The following IFT122 variants were observed in gnomAD, a reference collection of about 807,000 sequenced individuals.
IFT122 encodes intraflagellar transport 122.
A neutral mutation model predicts 161.6 loss-of-function variants in IFT122; 118 were observed. The observed-to-expected ratio is 0.73, with a 90% confidence interval of 0.63 to 0.85. IFT122 has a LOEUF of 0.85. IFT122 is among the 40% of genes least tolerant of loss of function. The probability of loss-of-function intolerance (pLI) is 0.00; values close to 1 mark genes in which losing one functional copy is unlikely to be tolerated. For synonymous variants in IFT122, 550 were observed against 602.4 expected (o/e 0.91, Z 1.27); for missense variants, 1,381 against 1,579.6 (o/e 0.87, Z 2.13).
At chr3:129,500,459 A>G (rs1439174642) in intron 19 of IFT122, among the ~76,000 whole-genome samples, 1 of 152,244 alleles carries the variant, frequency 6.6e-6, no homozygotes, top group African/African-American at 2.4e-5. Context: ...CAAAGTCCAG[A>G]TAGCTGGAAA....
At chr3:129,519,789 C>T in intron 29 of IFT122, 57 bp downstream of exon 29, 2 of 1,600,444 alleles carry the variant, frequency 1.2e-6, no homozygotes, top group Non-Finnish European at 1.7e-6. Context: ...TTCCCTTGCC[C>T]AAATGTCCCT....
chr3:129,477,856 G>T (rs1299084237), intron 11 of IFT122, among the ~76,000 whole-genome samples, 160 bp from the exon 12 acceptor site: 1 of 152,236 alleles, frequency 6.6e-6, no homozygotes, highest in Non-Finnish European at 1.5e-5. Flanking sequence ...CCAGGGTTCA[G>T]CAGAGTTGAT....
In IFT122 at chr3:129,476,520, G is replaced by A; in HGVS notation, c.1008+14G>A. On this transcript the variant is annotated intron_variant, in intron 10 of 29. Coordinates refer to ENST00000348417, the MANE Select transcript of IFT122 (RefSeq NM_052989.3). ...TCCAACTATGTGGTAAGAAGAGAAAGTTTGTTCTGTGGGGCCATGGCTTGA... is the reference window on the plus strand; with the variant it reads ...TCCAACTATGTGGTAAGAAGAGAAAATTTGTTCTGTGGGGCCATGGCTTGA... 1 of 1,614,126 alleles carries A rather than the reference G, an allele frequency of 6.2e-7. No individual in the cohort carries two copies. Among genetic ancestry groups the A allele is most frequent in the South Asian group, 1.1e-5 (1 of 91,076 alleles).
chr3:129,453,311 A>G (rs78773292), intron 3 of IFT122, among the ~76,000 whole-genome samples: 3,737 of 152,146 alleles, frequency 0.025, 137 homozygotes, highest in African/African-American at 0.082. Flanking sequence ...GTGAAATAGG[A>G]AGCAACAGCA....
chr3:129,518,102 G>A (rs954520536), intron 27 of IFT122, among the ~76,000 whole-genome samples: 1 of 152,226 alleles, frequency 6.6e-6, no homozygotes, highest in Non-Finnish European at 1.5e-5. Flanking sequence ...TCTCTTGGCC[G>A]CACTGTCCTC....
intron 3 of IFT122, among the ~76,000 whole-genome samples, chr3:129,454,513 TTG>T (rs61557048): frequency 0.049 from 6,465 of 131,018 alleles, 149 homozygotes; most frequent in South Asian, 0.068. Flanking sequence ...GTAGTCATAT[TTG>T]TGTGTGTGTG....
intron 23 of IFT122, 110 bp from the exon 24 acceptor site, chr3:129,512,202 C>T: frequency 1.2e-6 from 1 of 810,212 alleles, no homozygotes. Context: ...GCTCAATAAT[C>T]AGAGCCGCTC....
At chr3:129,500,781 A>G (rs1001717263) in intron 19 of IFT122, among the ~76,000 whole-genome samples, 10 of 152,146 alleles carry the variant, frequency 6.6e-5, no homozygotes, top group African/African-American at 2.4e-4. Flanking sequence ...GGTTGGGGGA[A>G]GTGGGCTGGC....
intron 1 of IFT122, 147 bp downstream of exon 1, chr3:129,440,518 C>T (rs776359392): frequency 4.1e-6 from 4 of 975,724 alleles, no homozygotes; most frequent in South Asian, 1.4e-5. Context: ...CAGGGTCGCC[C>T]TCCCGCCCCT....
intron 17 of IFT122, among the ~76,000 whole-genome samples, chr3:129,495,221 G>A (rs966576374): frequency 6.6e-6 from 1 of 152,130 alleles, no homozygotes; most frequent in African/African-American, 2.4e-5. Context: ...AACAAACAAA[G>A]GTTTGCATCT....
At chr3:129,469,010 T>C (rs2077088009) in intron 8 of IFT122, among the ~76,000 whole-genome samples, 1 of 152,212 alleles carries the variant, frequency 6.6e-6, no homozygotes, top group African/African-American at 2.4e-5. Flanking sequence ...GTCTCAATAT[T>C]GCAGCCTTGC....
intron 4 of IFT122, among the ~76,000 whole-genome samples, chr3:129,460,061 G>A (rs1372709487): frequency 1.3e-5 from 2 of 151,852 alleles, no homozygotes; most frequent in African/African-American, 2.4e-5. Context: ...CTTTTCAATT[G>A]TGGTAAAATA....
intron 2 of IFT122, among the ~76,000 whole-genome samples, chr3:129,451,387 T>C (rs1028538565): frequency 6.6e-6 from 1 of 152,002 alleles, no homozygotes; most frequent in Non-Finnish European, 1.5e-5. Flanking sequence ...CCTCCCAGAG[T>C]GTTGGGATGA....
rs1417871608 is a variant in IFT122, at chr3:129,492,183, A to G, written c.2035A>G (p.Ser679Gly). ...AGACCTCCGATATTTAGAGCTCATC[A>G]GCAGCATTGAGGTAAAAGATGAAGC... is the stretch of plus-strand genomic sequence containing the variant. ...VQDLRYLELI[S>G]SIEERKKRGE... Residue 679 changes from serine (S) to glycine (G), a missense_variant, in exon 17 of 30, where the codon AGC becomes GGC. Physicochemically the swap from Ser to Gly is moderately conservative, Grantham distance 56 (BLOSUM62 0). Around this residue, in one of 7 missense-constraint regions of IFT122, gnomAD observed 496 missense variants for 502.5 expected, o/e 0.99. Transcript: ENST00000348417. 6.2e-7 allele frequency: 1 copy of G among 1,612,736 alleles called. No homozygotes were observed. The highest frequency in any genetic ancestry group is 1.3e-5 in the African/African-American group (1 of 74,974).
At chr3:129,476,940 GTTTTC>G (rs1559909069) in intron 11 of IFT122, 139 bp downstream of exon 11, 40 of 714,898 alleles carry the variant, frequency 5.6e-5, no homozygotes, top group Middle Eastern at 4.5e-4. Context: ...TCTGTGTCTT[GTTTTC>G]TTTTTTTTTT....
chr3:129,458,690 G>A lies in IFT122; in HGVS notation c.272+13G>A, dbSNP rs751713457. ...TTCTGAAGTACACGTAAGTAACTTA[G>A]GTGTACAGTATTATGAGTTTGATGC... is the stretch of plus-strand genomic sequence containing the variant. On this transcript the variant is annotated intron_variant, in intron 4 of 29. Transcript: ENST00000348417. The A allele has an allele frequency of 1.3e-6, 2 of 1,562,064 alleles. No individual in the cohort carries two copies. Among genetic ancestry groups the A allele is most frequent in the Admixed American group, 1.7e-5 (1 of 59,966 alleles).
At chr3:129,479,255 C>CAAA (rs547629384) in intron 12 of IFT122, among the ~76,000 whole-genome samples, 1 of 81,374 alleles carries the variant, frequency 1.2e-5, no homozygotes, top group Non-Finnish European at 2.6e-5. Context: ...CCATCTCCAC[C>CAAA]AAAAAAAAAA....
At chr3:129,476,283 T>G (rs751216192) in intron 9 of IFT122, 32 bp from the exon 10 acceptor site, 4 of 1,612,522 alleles carry the variant, frequency 2.5e-6, no homozygotes, top group Non-Finnish European at 3.4e-6. Flanking sequence ...TCGGAAATGG[T>G]TTTTCCCTTG....
At chr3:129,515,267 T>C (rs1381291018) in intron 25 of IFT122, 13 of 622,638 alleles carry the variant, frequency 2.1e-5, no homozygotes, top group African/African-American at 5.5e-5. Context: ...TGCAGGTGTC[T>C]TGGGCACGGG....
Sources: gnomAD v4.1 joint callset for allele counts (sites outside exome capture counted in the v4.1 genomes callset) on GRCh38, gnomAD v4.1.1 for gene constraint, gnomAD v4.1.1 regional missense constraint, MANE v1.5 for transcripts, NCBI Gene and HGNC (gene_info 2026-07-23, HGNC 2026-07-21) for gene names.